LAMA2: variants seen among roughly 807,000 people sequenced by gnomAD.
LAMA2 encodes laminin subunit alpha-2.
A neutral mutation model predicts 364.8 loss-of-function variants in LAMA2; 269 were observed. That is an observed-to-expected ratio of 0.74 (90% CI 0.67 to 0.82). The LOEUF is 0.82. Ranked by LOEUF, LAMA2 falls within the 40% of genes least tolerant of loss-of-function variation. LAMA2 has a pLI of 0.00. For missense variants in LAMA2, 3,807 were observed against 3,873.2 expected, an observed-to-expected ratio of 0.98 and a Z score of 0.45; for synonymous variants, 1,379 against 1,370.6, an observed-to-expected ratio of 1.01 and a Z score of -0.14.
intron 18 of LAMA2, among the ~76,000 whole-genome samples, chr6:129,280,371 G>A (rs1282450336): frequency 6.6e-6 from 1 of 152,156 alleles, no homozygotes; most frequent in Non-Finnish European, 1.5e-5. Context: ...GAGAATATCT[G>A]ATTAATGTTT....
At chr6:128,990,288 A>G (rs1404686416) in intron 1 of LAMA2, among the ~76,000 whole-genome samples, 2 of 151,310 alleles carry the variant, frequency 1.3e-5, no homozygotes, top group African/African-American at 4.9e-5. Context: ...GGAAGCAATT[A>G]TTTTAATTAT....
Position 128,897,317 on chromosome 6 carries a change from A to G in LAMA2, c.112+13960A>G, listed in dbSNP as rs1776833998. On this transcript the variant is annotated intron_variant, in intron 1 of 64. Transcript: ENST00000421865. ...CAGCACTATGTCCTGATATATCAGAAGAGTCTATGAACTTTTTTTTTTTAA... is the reference window on the plus strand; with the variant it reads ...CAGCACTATGTCCTGATATATCAGAGGAGTCTATGAACTTTTTTTTTTTAA... Among the ~76,000 whole-genome samples the G allele has an allele frequency of 5.3e-5, 8 of 152,372 alleles. 1 individual carries two copies. In the South Asian group the frequency reaches 1.7e-3, roughly 32 times the overall value.
chr6:128,998,541 G>A (rs1430655396), intron 1 of LAMA2, among the ~76,000 whole-genome samples: 1 of 102,372 alleles, frequency 9.8e-6, no homozygotes, highest in Non-Finnish European at 1.9e-5. Context: ...GTGTGTGTGC[G>A]CACCGTGCGC....
At chr6:129,368,009 T>TC (rs1463406315) in intron 33 of LAMA2, among the ~76,000 whole-genome samples, 2 of 152,246 alleles carry the variant, frequency 1.3e-5, no homozygotes, top group African/African-American at 4.8e-5. Flanking sequence ...CAATGTCTAG[T>TC]GAAGGCCTGT....
At chr6:129,240,542 T>C (rs1227323809) in intron 12 of LAMA2, among the ~76,000 whole-genome samples, 1 of 152,210 alleles carries the variant, frequency 6.6e-6, no homozygotes, top group Non-Finnish European at 1.5e-5. Context: ...TTTGTTCAGC[T>C]GTTGGGACCA....
intron 17 of LAMA2, among the ~76,000 whole-genome samples, chr6:129,278,322 A>C (rs1788469898): frequency 6.6e-6 from 1 of 152,228 alleles, no homozygotes; most frequent in South Asian, 2.1e-4. Context: ...TCTTTCAATC[A>C]GTGTAGTCCC....
chr6:129,082,796 T>C (rs1774146193), intron 3 of LAMA2, among the ~76,000 whole-genome samples: 1 of 152,142 alleles, frequency 6.6e-6, no homozygotes, highest in Non-Finnish European at 1.5e-5. Context: ...AACAGCTTTC[T>C]CTTTATCTCT....
chr6:128,929,539 G>A, intron 1 of LAMA2: 3 of 948,392 alleles, frequency 3.2e-6, no homozygotes, highest in Middle Eastern at 4.2e-4. Context: ...AGAAACTCCT[G>A]AGCGACAATT....
intron 12 of LAMA2, among the ~76,000 whole-genome samples, chr6:129,240,074 T>A (rs375022832): frequency 1.3e-5 from 2 of 152,148 alleles, no homozygotes; most frequent in Non-Finnish European, 2.9e-5. Context: ...CTGGTGTAAG[T>A]GCAAGGGTCC....
At chr6:129,372,883 T>C (rs890639344) in intron 34 of LAMA2, among the ~76,000 whole-genome samples, 1 of 152,238 alleles carries the variant, frequency 6.6e-6, no homozygotes, top group Non-Finnish European at 1.5e-5. Flanking sequence ...AGTTTGCAAT[T>C]CCTTAATGAC....
chr6:129,300,893 C>T, intron 22 of LAMA2, 21 bp downstream of exon 22: 1 of 1,613,246 alleles, frequency 6.2e-7, no homozygotes, highest in Non-Finnish European at 8.5e-7. Context: ...CACTTTTTTG[C>T]TCTGATAATT....
Position 129,030,124 on chromosome 6 carries a change from A to G in LAMA2, c.113-19794A>G, listed in dbSNP as rs1582901349. On this transcript the variant is annotated intron_variant, in intron 1 of 64. Coordinates refer to ENST00000421865, the MANE Select transcript of LAMA2 (RefSeq NM_000426.4). ...ATCTTATTTCTCTTGACTTGTATCT[A>G]CCTTTACTTTAGCTCACCCTCTGGG... 2.6e-5 allele frequency among the ~76,000 whole-genome samples: 4 copies of G among 152,116 alleles called. No homozygotes were observed. The Middle Eastern group carries it at 0.01, about 388-fold the overall frequency.
At chr6:129,224,511 A>G (rs1310327229) in intron 12 of LAMA2, among the ~76,000 whole-genome samples, 1 of 152,128 alleles carries the variant, frequency 6.6e-6, no homozygotes, top group Non-Finnish European at 1.5e-5. Context: ...TTATTTTGAG[A>G]TACATCCCAT....
chr6:129,139,179 G>A (rs1031062632), intron 4 of LAMA2, among the ~76,000 whole-genome samples: 4 of 152,038 alleles, frequency 2.6e-5, no homozygotes, highest in Non-Finnish European at 4.4e-5. Flanking sequence ...ACCATCCAGA[G>A]CCAGACTCAG....
intron 3 of LAMA2, among the ~76,000 whole-genome samples, chr6:129,084,417 T>C (rs994235330): frequency 2.4e-5 from 1 of 40,858 alleles, no homozygotes; most frequent in African/African-American, 7.7e-5. Context: ...AAGCATGTGA[T>C]ACATTTCTAA....
intron 1 of LAMA2, among the ~76,000 whole-genome samples, chr6:128,927,499 G>C (rs960859175): frequency 1.3e-5 from 2 of 151,844 alleles, no homozygotes; most frequent in African/African-American, 4.8e-5. Flanking sequence ...ATCTCCTTTG[G>C]ATATCCTTAT....
At chr6:129,300,901 A>G (rs754928454) in intron 22 of LAMA2, 29 bp downstream of exon 22, 6 of 1,612,430 alleles carry the variant, frequency 3.7e-6, no homozygotes, top group South Asian at 1.1e-5. Flanking sequence ...TGCTCTGATA[A>G]TTTTTTGGAG....
intron 41 of LAMA2, among the ~76,000 whole-genome samples, chr6:129,430,779 G>A (rs1194081323): frequency 6.6e-6 from 1 of 152,110 alleles, no homozygotes; most frequent in African/African-American, 2.4e-5. Flanking sequence ...GGAGGCAGAG[G>A]TTGCAGTGAG....
chr6:129,495,024 G>GC (rs533167367), intron 58 of LAMA2, among the ~76,000 whole-genome samples: 21 of 152,286 alleles, frequency 1.4e-4, no homozygotes, highest in African/African-American at 3.9e-4. Context: ...ATTGGCAAGA[G>GC]CCCTAAAGAT....
Sources: allele counts gnomAD v4.1 joint callset (sites outside exome capture counted in the v4.1 genomes callset), GRCh38; gene constraint gnomAD v4.1.1; transcripts MANE v1.5; gene names NCBI Gene and HGNC (gene_info 2026-07-23, HGNC 2026-07-21).